Variants in FOXF2 observed in about 807,000 individuals in gnomAD.
FOXF2 encodes forkhead box F2.
In FOXF2, 15 loss-of-function variants were observed where a neutral mutation model predicts 29.1. The ratio of observed to expected loss-of-function variants is 0.52; its 90% CI spans 0.35 to 0.79. The LOEUF (loss-of-function observed/expected upper bound fraction) is 0.79. FOXF2 is among the 30% of genes least tolerant of loss of function. The pLI is 0.01. For missense variants in FOXF2, 675 were observed against 667.1 expected, an observed-to-expected ratio of 1.01 and a Z score of -0.13; for synonymous variants, 337 against 316.5, an observed-to-expected ratio of 1.06 and a Z score of -0.69.
chr6:1,393,921 C>T (rs1030844637), intron 1 of FOXF2, among the ~76,000 whole-genome samples: 2 of 152,140 alleles, frequency 1.3e-5, no homozygotes, highest in African/African-American at 2.4e-5. Context: ...GGCCGGGGAC[C>T]GGGGAGCCGC....
At position 1,390,657 on chromosome 6, in the gene FOXF2, G is replaced by A. The variant is rs780406929; in HGVS notation, c.710G>A (p.Cys237Tyr). ...FQAPPSAPLG[C>Y]HSQGGYGGLD... ...GCGCCCCCGTCGGCGCCGCTCGGCT[G>A]CCACAGCCAGGGCGGCTACGGCGGC... Residue 237 changes from cysteine (C) to tyrosine (Y), a missense_variant, in exon 1 of 2, where the codon TGC (cysteine) becomes TAC (tyrosine). Around this residue, in one of 3 missense-constraint regions of FOXF2, gnomAD observed 451 missense variants for 437.2 expected, o/e 1.03. Coordinates refer to ENST00000645481, the MANE Select transcript of FOXF2 (RefSeq NM_001452.2). The surrounding 1 kb of genome is among the most constrained non-coding windows in gnomAD (Gnocchi z 8.5). The A allele has an allele frequency of 3.5e-5, 54 of 1,564,114 alleles. No homozygotes were observed. Among genetic ancestry groups the A allele is most frequent in the Non-Finnish European group, 4.3e-5 (50 of 1,163,872 alleles).
In FOXF2 at chr6:1,390,925, C is replaced by T; in HGVS notation, c.978C>T (p.Ala326=). Residue 326 remains alanine (A), a synonymous_variant, in exon 1 of 2, where the codon GCC becomes GCT. Transcript: ENST00000645481. The surrounding 1 kb of genome is among the most constrained non-coding windows in gnomAD (Gnocchi z 8.5). ...CCTCGTCCCCGGCCATGGCGAGCGCCATCGAATGCCACTCGCCCTACACGA... is the reference window on the plus strand; with the variant it reads ...CCTCGTCCCCGGCCATGGCGAGCGCTATCGAATGCCACTCGCCCTACACGA... ...PVPSSPAMAS[A]IECHSPYTSP... The T allele has an allele frequency of 1.3e-6, 2 of 1,565,602 alleles. No individual in the cohort carries two copies. The highest frequency in any genetic ancestry group is 1.7e-6 in the Non-Finnish European group (2 of 1,163,262).
Position 1,391,105 on chromosome 6 carries a change from C to G in FOXF2, c.1158C>G (p.Arg386=). 1 of 1,602,438 alleles carries G rather than the reference C, an allele frequency of 6.2e-7. No homozygotes were observed. The highest frequency in any genetic ancestry group is 8.5e-7 in the Non-Finnish European group (1 of 1,179,782). ...LEQSYLHQNA[R]EDLSVGLPRY... ...AGAGCTACTTGCACCAGAACGCTCG[C>G]GAGGACCTCTCAGGTAACGCAGCAC... Residue 386 remains arginine, a synonymous_variant, in exon 1 of 2, where the codon CGC becomes CGG. Coordinates refer to ENST00000645481, the MANE Select transcript of FOXF2 (RefSeq NM_001452.2).
In FOXF2 at chr6:1,390,428, C is replaced by G. The variant is rs1265424814; in HGVS notation, c.481C>G (p.Leu161Val). 2 of 1,612,048 alleles carry G rather than the reference C, an allele frequency of 1.2e-6. No individual in the cohort carries two copies. The highest frequency in any genetic ancestry group is 1.7e-6 in the Non-Finnish European group (2 of 1,179,942). Residue 161 changes from leucine to valine, a missense_variant, in exon 1 of 2, where the codon CTG (leucine) becomes GTG (valine). Physicochemically the swap from Leu to Val is conservative, Grantham distance 32 (BLOSUM62 1). Transcript: ENST00000645481. This position sits in a 1 kb window ranked among gnomAD's most constrained non-coding sequence, Gnocchi z 8.5. The part of the protein sequence containing the change: ...NLSLNECFIK[L>V]PKGLGRPGKG... ...CTCGCTCAACGAGTGCTTCATCAAG[C>G]TGCCTAAGGGCCTCGGGCGGCCCGG...
At chr6:1,393,317 T>C (rs1462327227) in intron 1 of FOXF2, among the ~76,000 whole-genome samples, 3 of 151,976 alleles carry the variant, frequency 2.0e-5, no homozygotes, top group African/African-American at 7.2e-5. Flanking sequence ...CGGGCTTCTG[T>C]CATCCCGCTC....
At position 1,390,178 on chromosome 6, in the gene FOXF2, C is replaced by T; in HGVS notation, c.231C>T (p.Gly77=). Residue 77 remains glycine (G), a synonymous_variant, in exon 1 of 2, where the codon GGC becomes GGT. Transcript: ENST00000645481. This position sits in a 1 kb window ranked among gnomAD's most constrained non-coding sequence, Gnocchi z 8.5. ...SAPSAACKSA[G]GGGAGAGSGG... ...CCTCGGCTGCCTGCAAGAGCGCGGG[C>T]GGCGGCGGCGCGGGCGCCGGGAGCG... 1 of 1,452,774 alleles carries T rather than the reference C, an allele frequency of 6.9e-7. No homozygotes were observed. The highest frequency in any genetic ancestry group is 2.7e-5 in the Admixed American group (1 of 37,186). The allele number at this position is 1,452,774 out of a possible 1,614,324, so 90.0% of individuals were successfully genotyped here.
chr6:1,391,053 C>A lies in FOXF2; in HGVS notation c.1106C>A (p.Ser369Tyr). The stretch of plus-strand genomic sequence containing the variant: ...CCCGCCGCCTCGGCAGGCCTGCACT[C>A]CAGCATGTCCTCCTACTCGCTGGAG... ...SNPAASAGLH[S>Y]SMSSYSLEQS... Residue 369 changes from serine to tyrosine, a missense_variant, in exon 1 of 2, where the codon TCC becomes TAC. By Grantham distance (144) the Ser-to-Tyr change is moderately radical. This residue lies in a region of FOXF2 where 451 missense variants were observed against 437.2 expected (regional missense o/e 1.03). Coordinates refer to ENST00000645481, the MANE Select transcript of FOXF2 (RefSeq NM_001452.2). The A allele has an allele frequency of 6.2e-7, 1 of 1,602,574 alleles. No individual in the cohort carries two copies. Among genetic ancestry groups the A allele is most frequent in the Admixed American group, 1.7e-5 (1 of 59,766 alleles).
In FOXF2 at chr6:1,389,939, G is replaced by C. The variant is rs1009376102; in HGVS notation, c.-9G>C. The C allele has an allele frequency of 4.1e-6, 4 of 977,432 alleles. No individual in the cohort carries two copies. The highest frequency in any genetic ancestry group is 4.9e-6 in the Non-Finnish European group (4 of 824,560). 60.5% of individuals were successfully genotyped at this position (977,432 alleles called of 1,614,324 possible). A position where few individuals can be genotyped will look rare whatever the true frequency, so the allele number is the denominator to read the frequency against. The stretch of plus-strand genomic sequence containing the variant: ...GCCCTCGCGGCCCGGCCTCGCTCCC[G>C]GGTCCCAGATGACCACCGAGGGCGG... On this transcript the variant is annotated 5_prime_UTR_variant, in exon 1 of 2. Coordinates refer to ENST00000645481, the MANE Select transcript of FOXF2 (RefSeq NM_001452.2).
chr6:1,392,869 T>G (rs1214280837), intron 1 of FOXF2, among the ~76,000 whole-genome samples: 3 of 152,326 alleles, frequency 2.0e-5, no homozygotes, highest in Non-Finnish European at 4.4e-5. Context: ...CGACCGAGTC[T>G]GGGAACGCCC....
At position 1,389,604 on chromosome 6, in the gene FOXF2, G is replaced by C. The variant is rs933467872; in HGVS notation, c.-344G>C. 4.6e-5 allele frequency: 7 copies of C among 150,984 alleles called. No individual in the cohort carries two copies. The highest frequency in any genetic ancestry group is 2.6e-4 in the Admixed American group (4 of 15,214). The allele number at this position is 150,984 out of a possible 1,614,324, so 9.4% of individuals were successfully genotyped here. ...GCGAGGAGCGCTCCTGAAGGGAGAC[G>C]TCGGGCTCGTCCCCGGGGTCCAGGC... is the stretch of plus-strand genomic sequence containing the variant. On this transcript the variant is annotated 5_prime_UTR_variant, in exon 1 of 2. Transcript: ENST00000645481.
rs1354860510 is a variant in FOXF2 at position 1,390,961 on chromosome 6, G to A, written c.1014G>A (p.Ala338=). 1.9e-6 allele frequency: 3 copies of A among 1,592,004 alleles called. No homozygotes were observed. Among genetic ancestry groups the A allele is most frequent in the African/African-American group, 2.7e-5 (2 of 74,742 alleles). The change falls in exon 1 of 2, where the codon GCG becomes GCA. Residue 338 remains alanine (A), a synonymous_variant. Transcript: ENST00000645481. This position sits in a 1 kb window ranked among gnomAD's most constrained non-coding sequence, Gnocchi z 8.5. ...ACTCGCCCTACACGAGCCCTGCGGC[G>A]CACTGGAGCTCGCCTGGCGCCTCGC... The part of the protein sequence containing the change: ...ECHSPYTSPA[A]HWSSPGASPY...
Position 1,394,787 on chromosome 6 carries a change from C to G in FOXF2, c.1263C>G (p.Pro421=). Residue 421 remains proline, a synonymous_variant, in exon 2 of 2, where the codon CCC becomes CCG. Transcript: ENST00000645481. Reference sequence around the variant, plus strand: ...TCAATGGGATTTCTTCTTTCCATCCCTCAGCTAGCGGGTCGTATTATCACC... The same window carrying G: ...TCAATGGGATTTCTTCTTTCCATCCGTCAGCTAGCGGGTCGTATTATCACC... ...LNFNGISSFH[P]SASGSYYHHH... 6.2e-7 allele frequency: 1 copy of G among 1,614,098 alleles called. No individual in the cohort carries two copies. Among genetic ancestry groups the G allele is most frequent in the Non-Finnish European group, 8.5e-7 (1 of 1,179,966 alleles).
chr6:1,391,164 A>C, intron 1 of FOXF2, 46 bp downstream of exon 1: 1 of 1,593,366 alleles, frequency 6.3e-7, no homozygotes, highest in Non-Finnish European at 8.5e-7. Context: ...CACCGCTTCT[A>C]GGCCTCCAGG....
Position 1,390,093 on chromosome 6 carries a change from C to T in FOXF2, c.146C>T (p.Ser49Leu). Residue 49 changes from serine to leucine, a missense_variant, in exon 1 of 2, where the codon TCG (serine) becomes TTG (leucine). Ser to Leu is a moderately radical substitution (Grantham distance 145). Around this residue, in one of 3 missense-constraint regions of FOXF2, gnomAD observed 220 missense variants for 205.5 expected, o/e 1.07. Coordinates refer to ENST00000645481, the MANE Select transcript of FOXF2 (RefSeq NM_001452.2). This position sits in a 1 kb window ranked among gnomAD's most constrained non-coding sequence, Gnocchi z 8.5. Reference protein sequence around the residue: ...AAAPETTSSSSSSSSASCASS... With the variant: ...AAAPETTSSSLSSSSASCASS... Reference sequence around the variant, plus strand: ...GCCCCGGAGACCACCTCCTCCTCCTCGTCGTCGTCCTCCGCCTCCTGCGCC... The same window carrying T: ...GCCCCGGAGACCACCTCCTCCTCCTTGTCGTCGTCCTCCGCCTCCTGCGCC... 1 of 1,423,150 alleles carries T rather than the reference C, an allele frequency of 7.0e-7. No homozygotes were observed. Among genetic ancestry groups the T allele is most frequent in the Non-Finnish European group, 9.3e-7 (1 of 1,076,404 alleles). 88.2% of individuals were successfully genotyped at this position (1,423,150 alleles called of 1,614,324 possible). A position where few individuals can be genotyped will look rare whatever the true frequency, so the allele number is the denominator to read the frequency against.
chr6:1,394,703 G>C lies in FOXF2; in HGVS notation c.1179G>C (p.Leu393=), dbSNP rs200513147. 1.6e-5 allele frequency: 26 copies of C among 1,613,968 alleles called. No homozygotes were observed. In the East Asian group the frequency reaches 5.3e-4, roughly 33 times the overall value. ...TTTTCTTTCTTCTTTCAGTGGGACT[G>C]CCCCGTTACCAGCATCACTCTACTC... ...QNAREDLSVG[L]PRYQHHSTPV... The change falls in exon 2 of 2, where the codon CTG becomes CTC. Residue 393 remains leucine, a synonymous_variant. Transcript: ENST00000645481.
Position 1,395,202 on chromosome 6 carries a change from TTGTGTGTG to T in FOXF2, c.*355_*362del. 2.9e-6 allele frequency: 1 copy of T among 350,718 alleles called. No homozygotes were observed. Among genetic ancestry groups the T allele is most frequent in the Non-Finnish European group, 5.4e-6 (1 of 186,022 alleles). The allele number at this position is 350,718 out of a possible 1,614,324, so 21.7% of individuals were successfully genotyped here. A position where few individuals can be genotyped will look rare whatever the true frequency, so the allele number is the denominator to read the frequency against. On this transcript the variant is annotated 3_prime_UTR_variant, in exon 2 of 2. Transcript: ENST00000645481. ...TCAGGGTGTGAAAAAAGCAGACAAG[TTGTGTGTG>T]TGTGTGTGTGTCTAAGAAAACTTGT... is the stretch of plus-strand genomic sequence containing the variant.
rs1386283973 is a variant in FOXF2 at position 1,390,667 on chromosome 6, G to C, written c.720G>C (p.Gln240His). The C allele has an allele frequency of 6.5e-7, 1 of 1,546,832 alleles. No homozygotes were observed. Among genetic ancestry groups the C allele is most frequent in the African/African-American group, 1.4e-5 (1 of 71,192 alleles). Residue 240 changes from glutamine (Q) to histidine (H), a missense_variant, in exon 1 of 2, where the codon CAG (glutamine) becomes CAC (histidine). Coordinates refer to ENST00000645481, the MANE Select transcript of FOXF2 (RefSeq NM_001452.2). The surrounding 1 kb of genome is among the most constrained non-coding windows in gnomAD (Gnocchi z 8.5). The part of the protein sequence containing the change: ...PPSAPLGCHS[Q>H]GGYGGLDMMP... ...CGGCGCCGCTCGGCTGCCACAGCCAGGGCGGCTACGGCGGCCTCGACATGA... is the reference window on the plus strand; with the variant it reads ...CGGCGCCGCTCGGCTGCCACAGCCACGGCGGCTACGGCGGCCTCGACATGA...
At chr6:1,392,934 C>T (rs1758822471) in intron 1 of FOXF2, among the ~76,000 whole-genome samples, 1 of 152,212 alleles carries the variant, frequency 6.6e-6, no homozygotes, top group Non-Finnish European at 1.5e-5. Flanking sequence ...GCCCTTCCTT[C>T]CTCGCTGTCT....
rs1214690379 is a variant in FOXF2, at chr6:1,390,094, G to T, written c.147G>T (p.Ser49=). ...CCCCGGAGACCACCTCCTCCTCCTC[G>T]TCGTCGTCCTCCGCCTCCTGCGCCT... is the stretch of plus-strand genomic sequence containing the variant. ...AAAPETTSSS[S]SSSSASCASS... is the part of the protein sequence containing the mutation. Residue 49 remains serine, a synonymous_variant, in exon 1 of 2, where the codon TCG becomes TCT. Transcript: ENST00000645481. The surrounding 1 kb of genome is among the most constrained non-coding windows in gnomAD (Gnocchi z 8.5). 7.0e-7 allele frequency: 1 copy of T among 1,422,474 alleles called. No homozygotes were observed. Among genetic ancestry groups the T allele is most frequent in the African/African-American group, 1.5e-5 (1 of 67,078 alleles). The allele number at this position is 1,422,474 out of a possible 1,614,324, so 88.1% of individuals were successfully genotyped here. A position where few individuals can be genotyped will look rare whatever the true frequency, so the allele number is the denominator to read the frequency against.
Sources: allele counts gnomAD v4.1 joint callset (sites outside exome capture counted in the v4.1 genomes callset), GRCh38; gene constraint gnomAD v4.1.1; regional missense constraint gnomAD v4.1.1; non-coding constraint Gnocchi (gnomAD v3.1); transcripts MANE v1.5; gene names NCBI Gene and HGNC (gene_info 2026-07-23, HGNC 2026-07-21).